Variants in THADA observed in about 807,000 individuals in gnomAD.
THADA encodes tRNA (32-2'-O)-methyltransferase regulator THADA.
A neutral mutation model predicts 219.8 loss-of-function variants in THADA; 213 were observed. The ratio of observed to expected loss-of-function variants is 0.97; its 90% confidence interval spans 0.87 to 1.09. The LOEUF (loss-of-function observed/expected upper bound fraction) is 1.09. THADA is among the 50% of genes least tolerant of loss of function. The pLI is 0.00. For synonymous variants in THADA, 1,018 were observed against 828.9 expected, an observed-to-expected ratio of 1.23 and a Z score of -3.92; for missense variants, 2,956 against 2,311.3, an observed-to-expected ratio of 1.28 and a Z score of -5.72.
chr2:43,297,454 G>A (rs1450077313), intron 31 of THADA, among the ~76,000 whole-genome samples: 1 of 110,500 alleles, frequency 9.0e-6, no homozygotes, highest in Non-Finnish European at 1.8e-5. Flanking sequence ...AGGTGGGGGG[G>A]GGTCAGCCCC....
intron 1 of THADA, among the ~76,000 whole-genome samples, chr2:43,594,089 G>A (rs1701885104): frequency 1.3e-5 from 2 of 152,056 alleles, no homozygotes; most frequent in Non-Finnish European, 2.9e-5. Context: ...TATTCAAAGA[G>A]AAGATGACTG....
Position 43,293,015 on chromosome 2 carries a change from G to C in THADA, c.4637C>G (p.Ser1546Cys), listed in dbSNP as rs750579187. The C allele has an allele frequency of 1.6e-5, 26 of 1,613,894 alleles. No homozygotes were observed. Among genetic ancestry groups the C allele is most frequent in the Non-Finnish European group, 2.1e-5 (25 of 1,179,900 alleles). ...ERETNVPISF[S>C]QLLESAFPEV... ...AGGGAAGGCAGATTCTAACAGCTGA[G>C]AGAAAGAGATGGGGACATTCGTCTC... is the stretch of plus-strand genomic sequence containing the variant. Residue 1546 changes from serine (S) to cysteine (C), a missense_variant, in exon 32 of 38, where the codon TCT (serine) becomes TGT (cysteine). By Grantham distance (112) the Ser-to-Cys change is moderately radical. Coordinates refer to ENST00000405975, the MANE Select transcript of THADA (RefSeq NM_022065.5).
In THADA at chr2:43,465,702, T is replaced by A. The variant is rs76196214; in HGVS notation, c.3836+19532A>T. 1.7e-3 allele frequency among the ~76,000 whole-genome samples: 253 copies of A among 152,310 alleles called. 2 individuals carry two copies. Among genetic ancestry groups the A allele is most frequent in the Admixed American group, 0.012 (181 of 15,304 alleles). On this transcript the variant is annotated intron_variant, in intron 26 of 37. Transcript: ENST00000405975. ...TCTACCCTAGCCCCTCTGGGTGATCTCATTCACTTTCCTGGCATAAAATAC... is the reference window on the plus strand; with the variant it reads ...TCTACCCTAGCCCCTCTGGGTGATCACATTCACTTTCCTGGCATAAAATAC...
rs368607191 is a variant in THADA, at chr2:43,398,099, C to G, written c.4099G>C (p.Ala1367Pro). ...ATAACAAATGGGACCAAGGCACGAG[C>G]TGCCATTTCACGGGAGTGGTAGACA... ...SPVYHSREMA[A>P]RALVPFVMID... Residue 1367 changes from alanine to proline, a missense_variant, in exon 29 of 38, where the codon GCT becomes CCT. Transcript: ENST00000405975. 3 of 1,613,956 alleles carry G rather than the reference C, an allele frequency of 1.9e-6. No individual in the cohort carries two copies. The highest frequency in any genetic ancestry group is 2.5e-6 in the Non-Finnish European group (3 of 1,179,840).
intron 28 of THADA, among the ~76,000 whole-genome samples, chr2:43,411,749 T>C (rs13417665): frequency 0.14 from 20,965 of 152,170 alleles, 1,571 homozygotes; most frequent in East Asian, 0.19. Flanking sequence ...AATATACTAG[T>C]GTTACAAGTA....
chr2:43,285,019 C>G (rs1447857038), intron 35 of THADA, among the ~76,000 whole-genome samples: 1 of 152,222 alleles, frequency 6.6e-6, no homozygotes, highest in Non-Finnish European at 1.5e-5. Context: ...TTACCCACCA[C>G]CTGTACCCCC....
intron 28 of THADA, among the ~76,000 whole-genome samples, chr2:43,422,857 C>G (rs1018462265): frequency 6.6e-6 from 1 of 152,112 alleles, no homozygotes; most frequent in African/African-American, 2.4e-5. Context: ...GTAGCTGGGA[C>G]TACAGGCGCA....
Position 43,479,520 on chromosome 2 carries a change from T to A in THADA, c.3836+5714A>T, listed in dbSNP as rs74528028. Among the ~76,000 whole-genome samples, 434 of 152,206 alleles carry A rather than the reference T, an allele frequency of 2.9e-3. 3 individuals carry two copies. Among genetic ancestry groups the A allele is most frequent in the Middle Eastern group, 0.014 (4 of 294 alleles). On this transcript the variant is annotated intron_variant, in intron 26 of 37. Transcript: ENST00000405975. ...CACACTCTAGAGAAAGAGTTAAGTC[T>A]AGAGAAATCATAAGAATTATCATAA...
chr2:43,447,970 G>A (rs938227978), intron 26 of THADA, among the ~76,000 whole-genome samples: 4 of 151,998 alleles, frequency 2.6e-5, no homozygotes, highest in Non-Finnish European at 5.9e-5. Context: ...TATGTTATCC[G>A]ATTTTTGACA....
At chr2:43,255,260 C>G (rs1473460428) in intron 36 of THADA, among the ~76,000 whole-genome samples, 7 of 152,166 alleles carry the variant, frequency 4.6e-5, no homozygotes, top group Non-Finnish European at 8.8e-5. Flanking sequence ...ATATCCTACT[C>G]TTTGTTCAAG....
intron 29 of THADA, among the ~76,000 whole-genome samples, chr2:43,364,274 G>C (rs1193326151): frequency 6.6e-6 from 1 of 152,046 alleles, no homozygotes; most frequent in Non-Finnish European, 1.5e-5. Context: ...AAGCTGTTTA[G>C]GTAATATGAC....
intron 26 of THADA, among the ~76,000 whole-genome samples, chr2:43,450,063 C>G (rs1682114209): frequency 6.6e-6 from 1 of 152,074 alleles, no homozygotes; most frequent in African/African-American, 2.4e-5. Flanking sequence ...GGACACTGGA[C>G]AGGAACTTGA....
intron 22 of THADA, among the ~76,000 whole-genome samples, chr2:43,520,709 T>TAC (rs1279881568): frequency 1.7e-4 from 22 of 126,326 alleles, no homozygotes; most frequent in African/African-American, 4.4e-4. Flanking sequence ...TACGTATATA[T>TAC]ATATACACAC....
intron 28 of THADA, among the ~76,000 whole-genome samples, chr2:43,418,020 G>A (rs1321715900): frequency 6.6e-6 from 1 of 152,118 alleles, no homozygotes; most frequent in Non-Finnish European, 1.5e-5. Flanking sequence ...GAAAAAATAG[G>A]AGCAAAGAAG....
At position 43,432,138 on chromosome 2, in the gene THADA, G is replaced by A. The variant is rs1288815135; in HGVS notation, c.3837-1836C>T. Among the ~76,000 whole-genome samples, 6 of 111,886 alleles carry A rather than the reference G, an allele frequency of 5.4e-5. No homozygotes were observed. In the South Asian group the frequency reaches 1.1e-3, roughly 20 times the overall value. The allele number at this position is 111,886 out of a possible 152,430, so 73.4% of individuals were successfully genotyped here. A position where few individuals can be genotyped will look rare whatever the true frequency, so the allele number is the denominator to read the frequency against. On this transcript the variant is annotated intron_variant, in intron 26 of 37. Transcript: ENST00000405975. ...CCCAAAGTGCTGGGATTACAGGCGTGAGCCACCGCGCCCGGCCAATTTTTT... is the reference window on the plus strand; with the variant it reads ...CCCAAAGTGCTGGGATTACAGGCGTAAGCCACCGCGCCCGGCCAATTTTTT...
intron 28 of THADA, chr2:43,408,540 G>GA (rs1452554415): frequency 6.6e-6 from 1 of 152,190 alleles, no homozygotes; most frequent in Non-Finnish European, 1.5e-5. Flanking sequence ...TTGGTGAAGT[G>GA]AAACCTACTG....
At chr2:43,354,726 T>C (rs1449565795) in intron 29 of THADA, among the ~76,000 whole-genome samples, 2 of 152,220 alleles carry the variant, frequency 1.3e-5, no homozygotes, top group Non-Finnish European at 2.9e-5. Context: ...GCATTGTGTA[T>C]ATGGACTACA....
At chr2:43,593,432 C>T (rs1329324520) in intron 1 of THADA, among the ~76,000 whole-genome samples, 2 of 152,020 alleles carry the variant, frequency 1.3e-5, no homozygotes, top group East Asian at 1.9e-4. Flanking sequence ...TTAGGTACAG[C>T]GCTGGCGGCC....
rs1428036564 is a variant in THADA at position 43,508,577 on chromosome 2, C to G, written c.3507+71G>C. On this transcript the variant is annotated intron_variant, in intron 23 of 37. Transcript: ENST00000405975. ...ATGTGTAATACGCTCACTCACACGT[C>G]AAACAGGTTAGGATACACTATCATC... 3 of 1,485,510 alleles carry G rather than the reference C, an allele frequency of 2.0e-6. No homozygotes were observed. The African/African-American group carries it at 4.2e-5, about 21-fold the overall frequency. The allele number at this position is 1,485,510 out of a possible 1,614,324, so 92.0% of individuals were successfully genotyped here.
Sources: gnomAD v4.1 joint callset for allele counts (sites outside exome capture counted in the v4.1 genomes callset) on GRCh38, gnomAD v4.1.1 for gene constraint, MANE v1.5 for transcripts, NCBI Gene and HGNC (gene_info 2026-07-23, HGNC 2026-07-21) for gene names.